Variants in CDH18 observed in about 807,000 individuals in gnomAD.
CDH18 encodes the protein cadherin-18.
In CDH18, 31 loss-of-function variants were observed where a neutral mutation model predicts 67.9. The observed-to-expected ratio is 0.46, with a 90% confidence interval of 0.34 to 0.62. The LOEUF is 0.62. Ranked by LOEUF, CDH18 falls within the 20% of genes least tolerant of loss-of-function variation. The pLI is 0.01. For synonymous variants in CDH18, 362 were observed against 347.2 expected, an observed-to-expected ratio of 1.04 and a Z score of -0.48; for missense variants, 890 against 975.5, an observed-to-expected ratio of 0.91 and a Z score of 1.17.
chr5:19,854,337 G>C (rs190002738), intron 2 of CDH18, among the ~76,000 whole-genome samples: 2 of 152,080 alleles, frequency 1.3e-5, no homozygotes, highest in Non-Finnish European at 2.9e-5. Flanking sequence ...CAATCATTTT[G>C]AGGGAAATCT....
rs61555665 is a variant in CDH18, at chr5:19,851,878, C to A, written c.-256-12636G>T. Among the ~76,000 whole-genome samples, 627 of 148,640 alleles carry A rather than the reference C, an allele frequency of 4.2e-3. 3 individuals are homozygous for A. Among genetic ancestry groups the A allele is most frequent in the African/African-American group, 0.015 (580 of 38,482 alleles). On this transcript the variant is annotated intron_variant, in intron 2 of 12. Transcript: ENST00000382275. ...GTGTTTAAACTCCAGAGAAAGCCAG[C>A]CTTTTAGTTCATTAGCTGATAAAAT...
chr5:19,718,712 A>G (rs984404216), intron 5 of CDH18, among the ~76,000 whole-genome samples: 4 of 152,034 alleles, frequency 2.6e-5, no homozygotes, highest in Non-Finnish European at 5.9e-5. Context: ...ATAGGTTCCC[A>G]TGATGCATTA....
At chr5:20,396,733 T>A (rs1745313239) in intron 1 of CDH18, among the ~76,000 whole-genome samples, 1 of 152,152 alleles carries the variant, frequency 6.6e-6, no homozygotes, top group South Asian at 2.1e-4. Flanking sequence ...TGTAAAACCA[T>A]CATTCACAAT....
intron 10 of CDH18, among the ~76,000 whole-genome samples, chr5:19,510,298 T>C (rs556881423): frequency 6.6e-6 from 1 of 152,250 alleles, no homozygotes; most frequent in East Asian, 1.9e-4. Flanking sequence ...CATTTCACTC[T>C]GTAATGGGTT....
intron 1 of CDH18, among the ~76,000 whole-genome samples, chr5:20,493,923 G>GAAAACA (rs1442629625): frequency 2.7e-5 from 4 of 150,330 alleles, no homozygotes; most frequent in Non-Finnish European, 5.9e-5. Context: ...CCTCTGTTAA[G>GAAAACA]AAAACAAAAA....
rs187053692 is a variant in CDH18, at chr5:20,531,595, T to C, written c.-580+43867A>G. ...GAGATTATGTCCTTTTCAAGGGACA[T>C]GGATCAAGCTGGAAGCCATTATCCT... On this transcript the variant is annotated intron_variant, in intron 1 of 14. Transcript: ENST00000507958. Among the ~76,000 whole-genome samples the C allele has an allele frequency of 3.3e-5, 5 of 152,156 alleles. No individual in the cohort carries two copies. The South Asian group carries it at 6.2e-4, about 19-fold the overall frequency.
intron 1 of CDH18, among the ~76,000 whole-genome samples, chr5:20,344,638 A>G (rs1426347956): frequency 6.6e-6 from 1 of 152,092 alleles, no homozygotes; most frequent in Non-Finnish European, 1.5e-5. Context: ...CGGGAAAGGT[A>G]GAAAAGATAA....
At chr5:20,251,827 G>C (rs982080171) in intron 2 of CDH18, among the ~76,000 whole-genome samples, 2 of 152,082 alleles carry the variant, frequency 1.3e-5, no homozygotes, top group Non-Finnish European at 2.9e-5. Flanking sequence ...TGAAAAAATA[G>C]ATCTGATTTG....
intron 1 of CDH18, among the ~76,000 whole-genome samples, chr5:20,301,739 AGTTTTTCTTC>A (rs1328607374): frequency 6.8e-6 from 1 of 147,866 alleles, no homozygotes; most frequent in Admixed American, 6.8e-5. Context: ...GTAGAATATT[AGTTTTTCTTC>A]CCCTCCACAC....
intron 2 of CDH18, among the ~76,000 whole-genome samples, chr5:19,978,120 G>A (rs893161639): frequency 6.6e-6 from 1 of 151,930 alleles, no homozygotes; most frequent in African/African-American, 2.4e-5. Flanking sequence ...ACCTAAGACT[G>A]TACAAAATAA....
chr5:19,818,932 G>T (rs922366711), intron 3 of CDH18, among the ~76,000 whole-genome samples: 1 of 151,964 alleles, frequency 6.6e-6, no homozygotes, highest in Non-Finnish European at 1.5e-5. Flanking sequence ...TATTTTAAAA[G>T]ATCTTTAACA....
chr5:19,567,853 T>A (rs1485710112), intron 8 of CDH18, among the ~76,000 whole-genome samples: 2 of 152,122 alleles, frequency 1.3e-5, no homozygotes, highest in South Asian at 4.1e-4. Flanking sequence ...GGAGAGTGCA[T>A]GTTTCATATG....
chr5:20,498,814 T>A (rs2126425831), intron 1 of CDH18, among the ~76,000 whole-genome samples: 1 of 152,226 alleles, frequency 6.6e-6, no homozygotes, highest in Non-Finnish European at 1.5e-5. Flanking sequence ...TTACAAATGC[T>A]ACAATAAGAA....
At chr5:19,623,045 G>A (rs1345877960) in intron 5 of CDH18, among the ~76,000 whole-genome samples, 1 of 152,102 alleles carries the variant, frequency 6.6e-6, no homozygotes, top group Non-Finnish European at 1.5e-5. Flanking sequence ...ATGTCCTCTT[G>A]CCTTCCTCTC....
intron 1 of CDH18, among the ~76,000 whole-genome samples, chr5:20,509,704 C>T (rs1754904867): frequency 1.5e-5 from 1 of 66,192 alleles, no homozygotes; most frequent in African/African-American, 5.3e-5. Context: ...CAGGCATGAG[C>T]CATCATGCCC....
intron 1 of CDH18, among the ~76,000 whole-genome samples, chr5:20,571,561 A>G (rs1758820662): frequency 6.6e-6 from 1 of 152,168 alleles, no homozygotes; most frequent in Non-Finnish European, 1.5e-5. Context: ...TGTATTGTAT[A>G]TGCTTTGTAT....
chr5:20,239,029 T>C (rs1212926078), intron 2 of CDH18, among the ~76,000 whole-genome samples: 2 of 152,174 alleles, frequency 1.3e-5, no homozygotes, highest in Non-Finnish European at 2.9e-5. Flanking sequence ...GTGAAATAAA[T>C]GGAATATAAT....
intron 1 of CDH18, among the ~76,000 whole-genome samples, chr5:20,410,648 G>T (rs1417412821): frequency 6.6e-6 from 1 of 151,046 alleles, no homozygotes; most frequent in Non-Finnish European, 1.5e-5. Context: ...GTGAATCTCA[G>T]CAAGATCCAT....
At chr5:20,327,316 T>C (rs1291236679) in intron 1 of CDH18, among the ~76,000 whole-genome samples, 2 of 152,216 alleles carry the variant, frequency 1.3e-5, no homozygotes, top group Non-Finnish European at 2.9e-5. Context: ...TTACTTATCT[T>C]ATGTAAAATG....
Sources: gnomAD v4.1 joint callset for allele counts (sites outside exome capture counted in the v4.1 genomes callset) on GRCh38, gnomAD v4.1.1 for gene constraint, MANE v1.5 for transcripts, NCBI Gene and HGNC (gene_info 2026-07-23, HGNC 2026-07-21) for gene names.